NOX4: variants seen among roughly 807,000 people sequenced by gnomAD.
NOX4 encodes NADPH oxidase 4.
Under a neutral mutation model 87.6 loss-of-function variants are expected in NOX4, and 69 were observed. The observed-to-expected ratio is 0.79, with a 90% CI of 0.65 to 0.96. The LOEUF (loss-of-function observed/expected upper bound fraction) is 0.96. Among genes scored for constraint, NOX4 ranks in the 40% least tolerant of loss-of-function variants. The pLI, the probability that NOX4 is intolerant of heterozygous loss-of-function variation, is 0.00. For synonymous variants in NOX4, 275 were observed against 238.2 expected (o/e 1.15, Z -1.42); for missense variants, 680 against 681.5 (o/e 1.00, Z 0.02).
intron 4 of NOX4, among the ~76,000 whole-genome samples, chr11:89,447,730 A>T (rs1323995146): frequency 2.0e-5 from 3 of 152,060 alleles, no homozygotes; most frequent in Admixed American, 2.0e-4. Flanking sequence ...TTGAGTCACG[A>T]ATATGCTGGT....
the NOX4 span, among the ~76,000 whole-genome samples, chr11:89,542,992 C>T: frequency 2.0e-5 from 3 of 152,000 alleles, no homozygotes; most frequent in African/African-American, 7.2e-5. Flanking sequence ...TACAGAAATG[C>T]CCTTATGTAG....
At chr11:89,349,587 C>T (rs1754527637) in intron 13 of NOX4, among the ~76,000 whole-genome samples, 1 of 152,120 alleles carries the variant, frequency 6.6e-6, no homozygotes, top group Admixed American at 6.6e-5. Flanking sequence ...ATTGTCCAAA[C>T]AATCAAGGTT....
intron 13 of NOX4, among the ~76,000 whole-genome samples, chr11:89,347,567 C>T (rs968123115): frequency 6.6e-6 from 1 of 152,130 alleles, no homozygotes; most frequent in Non-Finnish European, 1.5e-5. Context: ...TAATACAGAA[C>T]AAAAAGTCAA....
At chr11:89,436,337 C>T (rs1944081201) in intron 6 of NOX4, among the ~76,000 whole-genome samples, 1 of 152,122 alleles carries the variant, frequency 6.6e-6, no homozygotes, top group Admixed American at 6.6e-5. Context: ...ATATATTAGC[C>T]TTATTACAAC....
At chr11:89,373,733 C>G (rs958626893) in intron 11 of NOX4, among the ~76,000 whole-genome samples, 3 of 151,924 alleles carry the variant, frequency 2.0e-5, no homozygotes, top group Non-Finnish European at 4.4e-5. Context: ...AAATTACACA[C>G]GTTAAAATTG....
intron 6 of NOX4, among the ~76,000 whole-genome samples, chr11:89,436,471 A>G (rs1228492069): frequency 6.6e-6 from 1 of 152,204 alleles, no homozygotes; most frequent in East Asian, 1.9e-4. Context: ...CCTTCAAGTT[A>G]GGAAGCCAAA....
At chr11:89,351,937 CA>C (rs1946473806) in intron 13 of NOX4, among the ~76,000 whole-genome samples, 1 of 152,034 alleles carries the variant, frequency 6.6e-6, no homozygotes, top group African/African-American at 2.4e-5. Context: ...CAAAAAAGAA[CA>C]AAATAATGAC....
Position 89,472,565 on chromosome 11 carries a change from A to G in NOX4, c.153+17893T>C, listed in dbSNP as rs76645804. ...TTTTTATCTACGCTTTCTAAAAATG[A>G]CATTCTTCCATTTTCAGTGGGAATG... is the stretch of plus-strand genomic sequence containing the variant. On this transcript the variant is annotated intron_variant, in intron 2 of 17. Transcript: ENST00000263317. Among the ~76,000 whole-genome samples the G allele has an allele frequency of 1.7e-3, 261 of 152,280 alleles. 1 individual carries two copies. The highest frequency in any genetic ancestry group is 5.8e-3 in the African/African-American group (242 of 41,554).
chr11:89,572,928 C>A, the NOX4 span, among the ~76,000 whole-genome samples: 12 of 151,892 alleles, frequency 7.9e-5, no homozygotes, highest in African/African-American at 2.9e-4. Context: ...ACTTTATAAT[C>A]TCTTTTCTTG....
At chr11:89,460,773 A>G (rs574155536) in intron 2 of NOX4, among the ~76,000 whole-genome samples, 26 of 152,330 alleles carry the variant, frequency 1.7e-4, no homozygotes, top group African/African-American at 5.8e-4. Flanking sequence ...ATCTAGAACT[A>G]GAAATACCAT....
At chr11:89,342,930 A>C (rs1255835535) in intron 13 of NOX4, among the ~76,000 whole-genome samples, 1 of 152,132 alleles carries the variant, frequency 6.6e-6, no homozygotes. Flanking sequence ...GTAACAGACA[A>C]TTAATTTTAT....
rs758426295 is a variant in NOX4 at position 89,451,760 on chromosome 11, T to C, written c.264+25A>G. The C allele has an allele frequency of 8.8e-6, 13 of 1,474,962 alleles. No individual in the cohort carries two copies. The South Asian group carries it at 1.4e-4, about 15-fold the overall frequency. The allele number at this position is 1,474,962 out of a possible 1,614,324, so 91.4% of individuals were successfully genotyped here. On this transcript the variant is annotated intron_variant, in intron 3 of 17. Coordinates refer to ENST00000263317, the MANE Select transcript of NOX4 (RefSeq NM_016931.5). ...TACACTTGATTTTTATGCTGGAATTTGAAAGTAGGACTGTTTTTTCTTACC... is the reference window on the plus strand; with the variant it reads ...TACACTTGATTTTTATGCTGGAATTCGAAAGTAGGACTGTTTTTTCTTACC...
the NOX4 span, among the ~76,000 whole-genome samples, chr11:89,523,772 A>G: frequency 2.6e-5 from 4 of 152,338 alleles, no homozygotes; most frequent in East Asian, 7.7e-4. Context: ...ATACTCATGC[A>G]AGGAAACCTA....
rs962757924 is a variant in NOX4, at chr11:89,457,183, T to C, written c.154-5288A>G. Among the ~76,000 whole-genome samples, 7 of 152,148 alleles carry C rather than the reference T, an allele frequency of 4.6e-5. 1 individual carries two copies. The East Asian group carries it at 1.3e-3, about 29-fold the overall frequency. ...CCATGTGGGCAGACCTCACCTCCCTTACCCAGCCAGTACGTGTGTGTGAAT... is the reference window on the plus strand; with the variant it reads ...CCATGTGGGCAGACCTCACCTCCCTCACCCAGCCAGTACGTGTGTGTGAAT... On this transcript the variant is annotated intron_variant, in intron 2 of 17. Transcript: ENST00000263317.
At chr11:89,431,076 A>G (rs1314271108) in intron 7 of NOX4, among the ~76,000 whole-genome samples, 1 of 152,194 alleles carries the variant, frequency 6.6e-6, no homozygotes, top group Non-Finnish European at 1.5e-5. Context: ...CTGATCTTTG[A>G]CAAACCTGAC....
At chr11:89,551,211 G>A in the NOX4 span, among the ~76,000 whole-genome samples, 1 of 152,176 alleles carries the variant, frequency 6.6e-6, no homozygotes, top group Non-Finnish European at 1.5e-5. Flanking sequence ...TAGCCTTGTA[G>A]TATAGTTTGA....
At chr11:89,472,662 A>T (rs1486428221) in intron 2 of NOX4, among the ~76,000 whole-genome samples, 1 of 152,228 alleles carries the variant, frequency 6.6e-6, no homozygotes, top group Non-Finnish European at 1.5e-5. Flanking sequence ...AGAAAGCAGT[A>T]TTATAACATA....
chr11:89,326,822 A>T lies in NOX4; in HGVS notation c.1671T>A (p.His557Gln), dbSNP rs760714742. ...ATGAGTTGTTCTGGTTACTCAGTTT[A>T]TGAAGAGTCTTGGATAGTGAATTGG... ...CGPNSLSKTLHKLSNQNNSYG... is the reference protein window; with the variant it reads ...CGPNSLSKTLQKLSNQNNSYG... The change falls in exon 18 of 18, where the codon CAT becomes CAA. Residue 557 changes from histidine to glutamine, a missense_variant. By Grantham distance (24) the His-to-Gln change is conservative (BLOSUM62 0). Transcript: ENST00000263317. 6.2e-7 allele frequency: 1 copy of T among 1,613,078 alleles called. No individual in the cohort carries two copies. The highest frequency in any genetic ancestry group is 1.3e-5 in the African/African-American group (1 of 74,866).
intron 3 of NOX4, among the ~76,000 whole-genome samples, chr11:89,451,575 C>T (rs962648659): frequency 6.6e-6 from 1 of 152,054 alleles, no homozygotes; most frequent in Non-Finnish European, 1.5e-5. Flanking sequence ...GCTGGAAATC[C>T]CTGTTAATAA....
Sources: allele counts gnomAD v4.1 joint callset (sites outside exome capture counted in the v4.1 genomes callset), GRCh38; gene constraint gnomAD v4.1.1; transcripts MANE v1.5; gene names NCBI Gene and HGNC (gene_info 2026-07-23, HGNC 2026-07-21).